The following CA7 variants were observed in gnomAD, a reference collection of about 807,000 sequenced individuals.
CA7 encodes the protein carbonate dehydratase VII.
CA7 carries 13 observed loss-of-function variants against 31.4 expected under a neutral mutation model. That is an observed-to-expected ratio of 0.41 (90% CI 0.27 to 0.66). CA7 has a LOEUF of 0.66. Among genes scored for constraint, CA7 ranks in the 30% least tolerant of loss-of-function variants. The pLI, the probability that CA7 is intolerant of heterozygous loss-of-function variation, is 0.28. For missense variants in CA7, 215 were observed against 351.0 expected, an observed-to-expected ratio of 0.61 and a Z score of 3.10; for synonymous variants, 128 against 133.2, an observed-to-expected ratio of 0.96 and a Z score of 0.27.
intron 2 of CA7, 114 bp from the exon 3 acceptor site, chr16:66,850,427 C>T (rs1029160482): frequency 3.1e-5 from 22 of 718,812 alleles, no homozygotes; most frequent in East Asian, 1.2e-4. Flanking sequence ...GGCAACAGAG[C>T]GAGACCCTGA....
At chr16:66,847,280 T>C (rs2145378373) in intron 2 of CA7, 53 bp downstream of exon 2, 1 of 1,522,338 alleles carries the variant, frequency 6.6e-7, no homozygotes, top group East Asian at 2.3e-5. Flanking sequence ...CTTAGGGTCC[T>C]AACCTTGTGT....
At chr16:66,844,600 C>T in intron 1 of CA7, 73 bp downstream of exon 1, 1 of 1,329,388 alleles carries the variant, frequency 7.5e-7, no homozygotes, top group South Asian at 1.3e-5. Context: ...ACCCTCTTGC[C>T]CAGCTGGTTT....
intron 5 of CA7, among the ~76,000 whole-genome samples, chr16:66,852,462 C>CA (rs1354471173): frequency 7.3e-5 from 7 of 95,544 alleles, no homozygotes; most frequent in South Asian, 7.2e-4. Context: ...GACTCCACCT[C>CA]AAAAAAAAAG....
intron 1 of CA7, chr16:66,844,903 T>G: frequency 9.6e-7 from 1 of 1,040,624 alleles, no homozygotes; most frequent in Non-Finnish European, 1.2e-6. Flanking sequence ...CGCGGAGCGC[T>G]GTGCGCGGGT....
At chr16:66,850,259 G>C (rs879457638) in intron 2 of CA7, among the ~76,000 whole-genome samples, 3 of 151,854 alleles carry the variant, frequency 2.0e-5, no homozygotes, top group Non-Finnish European at 4.4e-5. Flanking sequence ...GGCCAACATA[G>C]AGAGACCCCA....
Position 66,848,049 on chromosome 16 carries a change from C to T in CA7, c.238+822C>T, listed in dbSNP as rs959240971. On this transcript the variant is annotated intron_variant, in intron 2 of 6. Transcript: ENST00000338437. ...AAGTATTAATAACTGGTTCCTTCCT[C>T]CTCCTTCTCCCCTCCCCACAAATAC... Among the ~76,000 whole-genome samples, 36 of 152,138 alleles carry T rather than the reference C, an allele frequency of 2.4e-4. 1 individual carries two copies. The highest frequency in any genetic ancestry group is 8.0e-4 in the African/African-American group (33 of 41,416).
intron 1 of CA7, chr16:66,844,844 G>C (rs1960890045): frequency 1.0e-6 from 1 of 990,670 alleles, no homozygotes; most frequent in Non-Finnish European, 1.3e-6. Flanking sequence ...CACTCGCCCC[G>C]GGCGTGCGCA....
In CA7 at chr16:66,847,148, T is replaced by C; in HGVS notation, c.159T>C (p.Tyr53=). 1 of 1,614,196 alleles carries C rather than the reference T, an allele frequency of 6.2e-7. No homozygotes were observed. The highest frequency in any genetic ancestry group is 8.5e-7 in the Non-Finnish European group (1 of 1,180,022). Residue 53 remains tyrosine, a synonymous_variant, in exon 2 of 7, where the codon TAT becomes TAC. Coordinates refer to ENST00000338437, the MANE Select transcript of CA7 (RefSeq NM_005182.3). Reference sequence around the variant, plus strand: ...GCCTGCAACCACTGGAGCTTTCCTATGAGGCCTGCATGTCCCTCAGCATCA... The same window carrying C: ...GCCTGCAACCACTGGAGCTTTCCTACGAGGCCTGCATGTCCCTCAGCATCA... ...SPSLQPLELS[Y]EACMSLSITN...
At chr16:66,851,622 A>C in intron 4 of CA7, 42 bp from the exon 5 acceptor site, 1 of 1,613,518 alleles carries the variant, frequency 6.2e-7, no homozygotes, top group Non-Finnish European at 8.5e-7. Flanking sequence ...CTAGTTCTAG[A>C]ACACAGTGGG....
rs370758571 is a variant in CA7, at chr16:66,851,737, T to C, written c.516+11T>C. 9 of 1,612,336 alleles carry C rather than the reference T, an allele frequency of 5.6e-6. No homozygotes were observed. The African/African-American group carries it at 1.1e-4, about 19-fold the overall frequency. On this transcript the variant is annotated intron_variant, in intron 5 of 6. Transcript: ENST00000338437. Reference sequence around the variant, plus strand: ...ATGGTCCGGTTCAAGGTAAAGTCCCTGCCCCTGACCCAAGCAGCCCGATGG... The same window carrying C: ...ATGGTCCGGTTCAAGGTAAAGTCCCCGCCCCTGACCCAAGCAGCCCGATGG...
At chr16:66,850,765 A>G (rs1213152953) in intron 3 of CA7, 106 bp downstream of exon 3, 8 of 813,534 alleles carry the variant, frequency 9.8e-6, no homozygotes, top group Non-Finnish European at 1.7e-5. Flanking sequence ...GAGAGGGGGA[A>G]GAGGAGCACC....
At chr16:66,844,640 C>A in intron 1 of CA7, 113 bp downstream of exon 1, 1 of 887,858 alleles carries the variant, frequency 1.1e-6, no homozygotes, top group Non-Finnish European at 1.7e-6. Context: ...ACACTCCAGG[C>A]TGGGCGGGAC....
rs1961114067 is a variant in CA7 at position 66,853,639 on chromosome 16, G to T, written c.*141G>T. On this transcript the variant is annotated 3_prime_UTR_variant, in exon 7 of 7. Coordinates refer to ENST00000338437, the MANE Select transcript of CA7 (RefSeq NM_005182.3). The surrounding 1 kb of genome is among the most constrained non-coding windows in gnomAD (Gnocchi z 4.5). ...GCCAGTTTGCTCCTTGGTCACCCTG[G>T]AGGCTTCTGGATGGGACCCTTGAGT... The T allele has an allele frequency of 3.6e-6, 4 of 1,122,216 alleles. No individual in the cohort carries two copies. The highest frequency in any genetic ancestry group is 3.8e-6 in the Non-Finnish European group (3 of 797,828). The allele number at this position is 1,122,216 out of a possible 1,614,324, so 69.5% of individuals were successfully genotyped here.
At chr16:66,846,998 G>T (rs1960942452) in intron 1 of CA7, 32 bp from the exon 2 acceptor site, 1 of 1,604,604 alleles carries the variant, frequency 6.2e-7, no homozygotes, top group African/African-American at 1.3e-5. Flanking sequence ...ATCCTGGCTG[G>T]CCTGAGTCCT....
chr16:66,851,543 T>TA lies in CA7; in HGVS notation c.438_439insA (p.Gly147ArgfsTer61), dbSNP rs1392535505. On this transcript the variant is annotated frameshift_variant, in exon 4 of 7. Transcript: ENST00000338437. LOFTEE classifies it high-confidence loss of function. ...CAGCACCTGATGGCCTGGCTGTGGT[T>TA]GGTGTTTTTTTGGAGGTGAGTGGTG... 6.2e-7 allele frequency: 1 copy of TA among 1,614,058 alleles called. No individual in the cohort carries two copies. The highest frequency in any genetic ancestry group is 1.1e-5 in the South Asian group (1 of 91,082).
chr16:66,852,480 A>AAAAG (rs750074053), intron 5 of CA7, among the ~76,000 whole-genome samples: 1 of 151,218 alleles, frequency 6.6e-6, no homozygotes, highest in Non-Finnish European at 1.5e-5. Flanking sequence ...AAGAAAAAGA[A>AAAAG]AAAGAAAGAA....
chr16:66,844,564 C>T (rs753691910), intron 1 of CA7, 37 bp downstream of exon 1: 7 of 1,518,510 alleles, frequency 4.6e-6, no homozygotes, highest in South Asian at 3.7e-5. Context: ...CTGGCTCGGA[C>T]CCCCGACCCA....
intron 5 of CA7, among the ~76,000 whole-genome samples, chr16:66,852,077 G>A (rs950095716): frequency 5.3e-5 from 8 of 152,280 alleles, no homozygotes; most frequent in Non-Finnish European, 1.0e-4. Flanking sequence ...GAGAGGGCCC[G>A]GCTCAGGCTG....
intron 3 of CA7, 44 bp downstream of exon 3, chr16:66,850,703 GA>G: frequency 7.2e-7 from 1 of 1,389,684 alleles, no homozygotes; most frequent in Non-Finnish European, 1.0e-6. Flanking sequence ...ACATGGGAAG[GA>G]ACGCAGGCCT....
Sources: allele counts gnomAD v4.1 joint callset (sites outside exome capture counted in the v4.1 genomes callset), GRCh38; gene constraint gnomAD v4.1.1; non-coding constraint Gnocchi (gnomAD v3.1); transcripts MANE v1.5; gene names NCBI Gene and HGNC (gene_info 2026-07-23, HGNC 2026-07-21).